Variants in TUSC3 observed in about 807,000 individuals in gnomAD.
TUSC3 encodes tumor suppressor candidate 3, also known as dolichyl-diphosphooligosaccharide--protein glycosyltransferase subunit TUSC3.
Under a neutral mutation model 44.8 loss-of-function variants are expected in TUSC3, and 45 were observed. The observed-to-expected ratio is 1.00, with a 90% CI of 0.79 to 1.29. The LOEUF (loss-of-function observed/expected upper bound fraction) is 1.29, where lower values mean the gene tolerates loss of function less well. TUSC3 is among the 50% of genes most tolerant of loss of function. TUSC3 has a pLI of 0.00. For synonymous variants in TUSC3, 212 were observed against 152.9 expected, an observed-to-expected ratio of 1.39 and a Z score of -2.85; for missense variants, 519 against 437.9, an observed-to-expected ratio of 1.19 and a Z score of -1.65.
chr8:15,502,997 T>A (rs1800988816), intron 2 of TUSC3, among the ~76,000 whole-genome samples: 2 of 152,100 alleles, frequency 1.3e-5, no homozygotes, highest in African/African-American at 4.8e-5. Flanking sequence ...ACTTACAGGG[T>A]TAGAGAAATT....
chr8:15,464,188 A>G (rs996251838), intron 1 of TUSC3, among the ~76,000 whole-genome samples: 3 of 152,164 alleles, frequency 2.0e-5, no homozygotes, highest in African/African-American at 7.2e-5. Context: ...GTTTAACTAG[A>G]GTGTGTTTCA....
intron 6 of TUSC3, among the ~76,000 whole-genome samples, chr8:15,695,784 T>C (rs73528545): frequency 0.11 from 17,346 of 152,220 alleles, 1,244 homozygotes; most frequent in East Asian, 0.26. Flanking sequence ...AAGGCGACTC[T>C]TGTTACGTTT....
intron 2 of TUSC3, among the ~76,000 whole-genome samples, chr8:15,533,990 T>A (rs1585078777): frequency 6.6e-6 from 1 of 152,050 alleles, no homozygotes; most frequent in Admixed American, 6.6e-5. Flanking sequence ...GGCCTTTGGG[T>A]TGGATTTAGG....
intron 2 of TUSC3, among the ~76,000 whole-genome samples, chr8:15,504,384 G>A (rs993487031): frequency 6.6e-6 from 1 of 151,748 alleles, no homozygotes; most frequent in Non-Finnish European, 1.5e-5. Context: ...TGAGTGTAAT[G>A]CCTAGCACAA....
At chr8:15,539,145 G>A (rs1292137486), upstream of TUSC3, among the ~76,000 whole-genome samples, 1 of 151,578 alleles carries the variant, frequency 6.6e-6, no homozygotes, top group African/African-American at 2.4e-5. Context: ...CACCGTGCCT[G>A]GCTAATACTA....
chr8:15,662,988 GT>G (rs2129180289), intron 5 of TUSC3, among the ~76,000 whole-genome samples: 1 of 152,008 alleles, frequency 6.6e-6, no homozygotes, highest in African/African-American at 2.4e-5. Context: ...GAGAACTACA[GT>G]TGTGTGGGGC....
chr8:15,427,319 C>T (rs190908847), intron 1 of TUSC3, among the ~76,000 whole-genome samples: 3 of 151,084 alleles, frequency 2.0e-5, no homozygotes, highest in Non-Finnish European at 2.9e-5. Flanking sequence ...CTCCCACACA[C>T]GCACACACCA....
intron 1 of TUSC3, among the ~76,000 whole-genome samples, chr8:15,438,989 G>A (rs184549514): frequency 3.5e-4 from 54 of 152,276 alleles, no homozygotes; most frequent in African/African-American, 1.2e-3. Flanking sequence ...TTACTCAGGC[G>A]TTGGTCGAGG....
chr8:15,819,982 A>G, the TUSC3 span, among the ~76,000 whole-genome samples: 25 of 152,296 alleles, frequency 1.6e-4, no homozygotes, highest in African/African-American at 5.5e-4. Flanking sequence ...TATGTTGTCA[A>G]TTATTATGCT....
intron 1 of TUSC3, among the ~76,000 whole-genome samples, chr8:15,552,741 T>C (rs7010988): frequency 0.85 from 128,437 of 151,518 alleles, 55,007 homozygotes; most frequent in Non-Finnish European, 0.87. Context: ...GATCTGAACT[T>C]GATCCTGAAA....
intron 1 of TUSC3, among the ~76,000 whole-genome samples, chr8:15,455,858 G>C (rs1281327932): frequency 1.3e-5 from 2 of 152,138 alleles, no homozygotes; most frequent in East Asian, 3.9e-4. Flanking sequence ...GAGACCACCA[G>C]GCTAGGAGGA....
chr8:15,579,283 AT>A (rs1330747837), intron 1 of TUSC3, among the ~76,000 whole-genome samples: 2 of 134,596 alleles, frequency 1.5e-5, no homozygotes, highest in Non-Finnish European at 3.2e-5. Context: ...GGATTCATTG[AT>A]TTTTTGAAGG....
intron 1 of TUSC3, among the ~76,000 whole-genome samples, chr8:15,570,265 T>TACACACACACACACAC (rs3070896): frequency 1.8e-4 from 27 of 148,170 alleles, no homozygotes; most frequent in Non-Finnish European, 3.1e-4. Flanking sequence ...TAATGTATTT[T>TACACACACACACACAC]ACACACACAC....
chr8:15,433,900 T>C (rs1240390437), intron 1 of TUSC3, among the ~76,000 whole-genome samples: 3 of 152,252 alleles, frequency 2.0e-5, no homozygotes, highest in Non-Finnish European at 4.4e-5. Flanking sequence ...TATATACACA[T>C]AAAAACATAA....
At chr8:15,829,376 G>A in the TUSC3 span, among the ~76,000 whole-genome samples, 2 of 152,158 alleles carry the variant, frequency 1.3e-5, no homozygotes, top group Non-Finnish European at 2.9e-5. Flanking sequence ...CAAAGTGGCT[G>A]AATGACAGGG....
At chr8:15,669,867 A>G (rs10093681) in intron 5 of TUSC3, among the ~76,000 whole-genome samples, 20,979 of 151,658 alleles carry the variant, frequency 0.14, 2,655 homozygotes, top group African/African-American at 0.34. Context: ...TCCCGGTAAA[A>G]ATAAAATTGC....
chr8:15,494,633 A>C (rs1200232520), intron 2 of TUSC3, among the ~76,000 whole-genome samples: 1 of 152,122 alleles, frequency 6.6e-6, no homozygotes, highest in East Asian at 1.9e-4. Context: ...TTTCTTATCA[A>C]GATTTCCAGC....
At chr8:15,849,582 A>T in the TUSC3 span, among the ~76,000 whole-genome samples, 1 of 152,180 alleles carries the variant, frequency 6.6e-6, no homozygotes, top group Non-Finnish European at 1.5e-5. Context: ...CCCCTGCAAC[A>T]AAGTGTGATT....
intron 2 of TUSC3, among the ~76,000 whole-genome samples, chr8:15,631,324 A>C (rs1003313747): frequency 6.6e-6 from 1 of 152,140 alleles, no homozygotes; most frequent in Non-Finnish European, 1.5e-5. Context: ...GGATAATCCC[A>C]CCATTTTTAC....
Sources: allele counts gnomAD v4.1 joint callset (sites outside exome capture counted in the v4.1 genomes callset), GRCh38; gene constraint gnomAD v4.1.1; transcripts MANE v1.5; gene names NCBI Gene and HGNC (gene_info 2026-07-23, HGNC 2026-07-21).